The following TDRP variants were observed in gnomAD, a reference collection of about 807,000 sequenced individuals.
TDRP encodes testis development-related protein.
In TDRP, 12 loss-of-function variants were observed where a neutral mutation model predicts 10.5. That is an observed-to-expected ratio of 1.15 (90% confidence interval 0.73 to 1.86). TDRP has a LOEUF of 1.86. Ranked by LOEUF, TDRP falls within the 40% of genes most tolerant of loss-of-function variation. TDRP has a pLI of 0.00. For synonymous variants in TDRP, 139 were observed against 95.4 expected (o/e 1.46, Z -2.67); for missense variants, 353 against 229.2 (o/e 1.54, Z -3.49).
At position 492,562 on chromosome 8, in the gene TDRP, G is replaced by C. The variant is rs778077612; in HGVS notation, c.395C>G (p.Ser132Cys). 2.5e-6 allele frequency: 4 copies of C among 1,613,194 alleles called. No individual in the cohort carries two copies. Among genetic ancestry groups the C allele is most frequent in the East Asian group, 4.5e-5 (2 of 44,860 alleles). ...DPEDTVGGHPSWSGWEDDAKG... is the reference protein window; with the variant it reads ...DPEDTVGGHPCWSGWEDDAKG... ...GGCGTCATCCTCCCAGCCTGACCAG[G>C]ATGGGTGGCCACCCACGGTGTCCTC... The change falls in exon 3 of 3, where the codon TCC (serine) becomes TGC (cysteine). Residue 132 changes from serine to cysteine, a missense_variant. Physicochemically the swap from Ser to Cys is moderately radical, Grantham distance 112 (BLOSUM62 -1). Coordinates refer to ENST00000324079, the MANE Select transcript of TDRP (RefSeq NM_001384899.1).
chr8:531,302 C>T (rs1802189309), intron 1 of TDRP, among the ~76,000 whole-genome samples: 1 of 152,078 alleles, frequency 6.6e-6, no homozygotes, highest in Non-Finnish European at 1.5e-5. Flanking sequence ...AGTCAGAGTC[C>T]GTGGGGGAAC....
Position 529,846 on chromosome 8 carries a change from G to C in TDRP, c.108+14804C>G, listed in dbSNP as rs75576550. Among the ~76,000 whole-genome samples, 1,513 of 152,122 alleles carry C rather than the reference G, an allele frequency of 9.9e-3. 22 individuals are homozygous for C. The highest frequency in any genetic ancestry group is 0.035 in the African/African-American group (1,448 of 41,494). On this transcript the variant is annotated intron_variant, in intron 1 of 2. Transcript: ENST00000324079. ...ATTTGATTAAAATCTTTCTCAGTGT[G>C]GGCTTCTTTACCCTTTCTTTGGTTT...
rs1433466384 is a variant in TDRP, at chr8:492,467, C to G, written c.490G>C (p.Gly164Arg). 6.2e-7 allele frequency: 1 copy of G among 1,604,152 alleles called. No individual in the cohort carries two copies. Reference sequence around the variant, plus strand: ...TGCCGTCGGATGCTCACCAGCCTCCCTGCCGCGCGCAGGCTCCACCTGGAG... The same window carrying G: ...TGCCGTCGGATGCTCACCAGCCTCCGTGCCGCGCGCAGGCTCCACCTGGAG... ...NSSRWSLRAA[G>R]RLVSIRRQSK... Residue 164 changes from glycine to arginine, a missense_variant, in exon 3 of 3, where the codon GGG (glycine) becomes CGG (arginine). Transcript: ENST00000324079.
In TDRP at chr8:491,759, G is replaced by C; in HGVS notation, c.*640C>G. ...GAGGTAAAAATAAAATTCCAAAAAA[G>C]AACCACTGTTACTATCCAGTGGACA... On this transcript the variant is annotated 3_prime_UTR_variant, in exon 3 of 3. Transcript: ENST00000324079. The C allele has an allele frequency of 7.2e-7, 1 of 1,396,144 alleles. No individual in the cohort carries two copies. Among genetic ancestry groups the C allele is most frequent in the Non-Finnish European group, 9.2e-7 (1 of 1,084,674 alleles). 86.5% of individuals were successfully genotyped at this position (1,396,144 alleles called of 1,614,324 possible).
At chr8:530,899 C>T (rs1285360246) in intron 1 of TDRP, among the ~76,000 whole-genome samples, 2 of 152,208 alleles carry the variant, frequency 1.3e-5, no homozygotes, top group Admixed American at 1.3e-4. Context: ...CTGTGCTGAG[C>T]TGTCCCGACC....
chr8:538,722 G>A (rs1050811078), intron 1 of TDRP, among the ~76,000 whole-genome samples: 1 of 152,172 alleles, frequency 6.6e-6, no homozygotes, highest in African/African-American at 2.4e-5. Context: ...GACTGGGGGA[G>A]AAGTCTTTAG....
At chr8:519,998 G>A (rs927115738) in intron 1 of TDRP, among the ~76,000 whole-genome samples, 5 of 152,212 alleles carry the variant, frequency 3.3e-5, no homozygotes, top group Middle Eastern at 3.2e-3. Flanking sequence ...GTAAGGCACA[G>A]AATGGGAAAG....
intron 1 of TDRP, among the ~76,000 whole-genome samples, chr8:520,754 G>A (rs776260958): frequency 6.6e-6 from 1 of 152,082 alleles, no homozygotes. Flanking sequence ...GTGCACCAAC[G>A]TCTACTCAAG....
At chr8:535,595 C>A (rs1361358002) in intron 1 of TDRP, among the ~76,000 whole-genome samples, 1 of 152,136 alleles carries the variant, frequency 6.6e-6, no homozygotes, top group Non-Finnish European at 1.5e-5. Flanking sequence ...TGATGAGCCC[C>A]ACATGTACAT....
At chr8:499,145 T>A (rs1214711266) in intron 1 of TDRP, among the ~76,000 whole-genome samples, 1 of 152,322 alleles carries the variant, frequency 6.6e-6, no homozygotes, top group East Asian at 1.9e-4. Context: ...AAATATAAAT[T>A]ATTACCTAGT....
chr8:506,338 A>G (rs1801464614), intron 1 of TDRP, among the ~76,000 whole-genome samples: 1 of 152,142 alleles, frequency 6.6e-6, no homozygotes, highest in Non-Finnish European at 1.5e-5. Flanking sequence ...AGGAGAATCC[A>G]CTCAGATCAG....
At chr8:512,087 C>A (rs1367851278) in intron 1 of TDRP, among the ~76,000 whole-genome samples, 1 of 151,634 alleles carries the variant, frequency 6.6e-6, no homozygotes, top group Non-Finnish European at 1.5e-5. Flanking sequence ...TAGAGAATAA[C>A]AGAAGAGAAA....
At chr8:502,801 A>C (rs1398441155) in intron 1 of TDRP, among the ~76,000 whole-genome samples, 1 of 150,778 alleles carries the variant, frequency 6.6e-6, no homozygotes, top group African/African-American at 2.5e-5. Context: ...CACTGGAACC[A>C]ATGCCCACCT....
At chr8:513,040 G>A (rs1422579767) in intron 1 of TDRP, among the ~76,000 whole-genome samples, 1 of 151,016 alleles carries the variant, frequency 6.6e-6, no homozygotes, top group East Asian at 1.9e-4. Flanking sequence ...GAAAAGCTCA[G>A]GCCCAGATAT....
intron 2 of TDRP, 43 bp downstream of exon 2, chr8:494,447 TCCTC>T (rs776954267): frequency 4.5e-6 from 7 of 1,562,958 alleles, no homozygotes; most frequent in East Asian, 2.3e-5. Context: ...CTCAGTGACT[TCCTC>T]CCTCTCCTGA....
intron 1 of TDRP, among the ~76,000 whole-genome samples, chr8:501,833 C>A (rs1801310670): frequency 6.6e-6 from 1 of 152,218 alleles, no homozygotes; most frequent in Non-Finnish European, 1.5e-5. Flanking sequence ...ACTGGCGTCC[C>A]TGCAGTCATG....
intron 1 of TDRP, among the ~76,000 whole-genome samples, chr8:528,765 G>A (rs1474330870): frequency 6.6e-6 from 1 of 151,956 alleles, no homozygotes; most frequent in Non-Finnish European, 1.5e-5. Context: ...TTCTCTAAAG[G>A]AATAGAATAG....
chr8:510,194 T>C (rs992422666), intron 1 of TDRP, among the ~76,000 whole-genome samples: 11 of 152,142 alleles, frequency 7.2e-5, no homozygotes, highest in Non-Finnish European at 1.3e-4. Context: ...GGTTAAATAA[T>C]TGGCCACATG....
intron 1 of TDRP, among the ~76,000 whole-genome samples, chr8:507,776 G>A (rs559461096): frequency 2.0e-5 from 3 of 152,294 alleles, no homozygotes; most frequent in East Asian, 1.9e-4. Context: ...TGGCTACAAT[G>A]TATCATCCAA....
Sources: allele counts gnomAD v4.1 joint callset (sites outside exome capture counted in the v4.1 genomes callset), GRCh38; gene constraint gnomAD v4.1.1; transcripts MANE v1.5; gene names NCBI Gene and HGNC (gene_info 2026-07-23, HGNC 2026-07-21).